Variants in MCTP1 observed in about 807,000 individuals in gnomAD.
MCTP1 encodes the protein multiple C2 and transmembrane domain-containing protein 1.
In MCTP1, 69 loss-of-function variants were observed where a neutral mutation model predicts 120.6. The ratio of observed to expected loss-of-function variants is 0.57; its 90% CI spans 0.47 to 0.70. MCTP1 has a LOEUF of 0.70. MCTP1 is among the 30% of genes least tolerant of loss of function. The pLI is 0.00. For missense variants in MCTP1, 1,203 were observed against 1,248.8 expected, an observed-to-expected ratio of 0.96 and a Z score of 0.55; for synonymous variants, 529 against 493.1, an observed-to-expected ratio of 1.07 and a Z score of -0.96.
At chr5:95,173,976 A>G (rs1222895815) in intron 1 of MCTP1, among the ~76,000 whole-genome samples, 1 of 152,178 alleles carries the variant, frequency 6.6e-6, no homozygotes, top group African/African-American at 2.4e-5. Flanking sequence ...CCAAGGAAAT[A>G]TTTCAGAAAA....
At chr5:95,017,299 C>T (rs1412952368) in intron 2 of MCTP1, 68 bp downstream of exon 2, 9 of 843,026 alleles carry the variant, frequency 1.1e-5, no homozygotes, top group Non-Finnish European at 1.5e-5. Flanking sequence ...CAGGCAATCA[C>T]GTGGAAAACA....
At chr5:95,222,939 T>A (rs1753842499) in intron 1 of MCTP1, among the ~76,000 whole-genome samples, 1 of 152,210 alleles carries the variant, frequency 6.6e-6, no homozygotes, top group Non-Finnish European at 1.5e-5. Context: ...GCCAGCAGGC[T>A]GGAAACCCAT....
chr5:95,034,063 G>A (rs1337649027), intron 1 of MCTP1, among the ~76,000 whole-genome samples: 1 of 152,030 alleles, frequency 6.6e-6, no homozygotes, highest in African/African-American at 2.4e-5. Context: ...ACTGTTGAAA[G>A]AAGTCACAGA....
In MCTP1 at chr5:94,860,612, A is replaced by G. The variant is rs190557734; in HGVS notation, c.2436+7721T>C. On this transcript the variant is annotated intron_variant, in intron 17 of 22. Coordinates refer to ENST00000515393, the MANE Select transcript of MCTP1 (RefSeq NM_024717.7). Reference sequence around the variant, plus strand: ...AATTCATATCATATGCGAACTACAGAAAATCCAAACTAAACTTTACCACCA... The same window carrying G: ...AATTCATATCATATGCGAACTACAGGAAATCCAAACTAAACTTTACCACCA... 1.1e-4 allele frequency among the ~76,000 whole-genome samples: 16 copies of G among 151,874 alleles called. No homozygotes were observed. In the East Asian group the frequency reaches 3.1e-3, roughly 30 times the overall value.
At chr5:94,800,280 T>A (rs906286187) in intron 17 of MCTP1, among the ~76,000 whole-genome samples, 5 of 152,188 alleles carry the variant, frequency 3.3e-5, no homozygotes, top group African/African-American at 1.2e-4. Flanking sequence ...TAATACAGAT[T>A]ATAATACTGG....
intron 1 of MCTP1, among the ~76,000 whole-genome samples, chr5:95,168,730 A>AT (rs565220063): frequency 1.8e-4 from 27 of 152,200 alleles, no homozygotes; most frequent in African/African-American, 6.5e-4. Context: ...AATGCTTGTG[A>AT]TTTTTGCACA....
At chr5:94,754,460 C>T (rs114464072) in intron 19 of MCTP1, among the ~76,000 whole-genome samples, 1 of 152,172 alleles carries the variant, frequency 6.6e-6, no homozygotes, top group African/African-American at 2.4e-5. Context: ...AGTCAGAATG[C>T]TAAGCAATAT....
At chr5:94,708,362 A>G in intron 22 of MCTP1, 150 bp downstream of exon 22, 1 of 527,976 alleles carries the variant, frequency 1.9e-6, no homozygotes, top group Non-Finnish European at 3.4e-6. Flanking sequence ...CAGGTGGGCT[A>G]AATTTCTGAC....
At chr5:95,079,956 T>G (rs1754502298) in intron 1 of MCTP1, among the ~76,000 whole-genome samples, 1 of 152,116 alleles carries the variant, frequency 6.6e-6, no homozygotes, top group African/African-American at 2.4e-5. Context: ...TTTTTTCTCT[T>G]CTCATAGCCT....
intron 19 of MCTP1, among the ~76,000 whole-genome samples, chr5:94,771,439 A>G (rs1330330446): frequency 6.6e-6 from 1 of 152,226 alleles, no homozygotes; most frequent in African/African-American, 2.4e-5. Context: ...CTTCAGCTGA[A>G]AAATGAAGAA....
At chr5:95,034,649 T>C (rs1840920669) in intron 1 of MCTP1, among the ~76,000 whole-genome samples, 1 of 151,906 alleles carries the variant, frequency 6.6e-6, no homozygotes, top group Admixed American at 6.6e-5. Flanking sequence ...AAAACTGTTC[T>C]GGATATTGAC....
chr5:94,983,832 A>C (rs1425679329), intron 2 of MCTP1, among the ~76,000 whole-genome samples: 1 of 152,246 alleles, frequency 6.6e-6, no homozygotes, highest in Non-Finnish European at 1.5e-5. Flanking sequence ...ATGGCTGATA[A>C]ATGTCAGCCG....
intron 2 of MCTP1, among the ~76,000 whole-genome samples, chr5:95,008,929 C>T (rs762487577): frequency 6.6e-5 from 10 of 151,888 alleles, no homozygotes; most frequent in Non-Finnish European, 1.3e-4. Flanking sequence ...ACTGGGAAGG[C>T]TTGGTGGGAG....
chr5:94,996,005 T>G (rs996796002), intron 2 of MCTP1, among the ~76,000 whole-genome samples: 4 of 152,202 alleles, frequency 2.6e-5, no homozygotes, highest in African/African-American at 2.4e-5. Context: ...AAATTATTCT[T>G]TTTGGTTCAC....
At chr5:95,188,101 C>G (rs1379594481) in intron 1 of MCTP1, among the ~76,000 whole-genome samples, 1 of 152,022 alleles carries the variant, frequency 6.6e-6, no homozygotes. Flanking sequence ...GGACAAAAGA[C>G]ATGGAAAAGA....
chr5:95,028,615 A>G (rs1368890394), intron 1 of MCTP1, among the ~76,000 whole-genome samples: 1 of 152,196 alleles, frequency 6.6e-6, no homozygotes, highest in Non-Finnish European at 1.5e-5. Flanking sequence ...GCCTACACAT[A>G]CAGTATATAA....
chr5:94,870,778 T>C (rs1222355132), intron 15 of MCTP1, 94 bp downstream of exon 15: 2 of 919,402 alleles, frequency 2.2e-6, no homozygotes, highest in East Asian at 2.4e-5. Context: ...TTAGAGAAAA[T>C]GAGGAATGAC....
At chr5:94,766,713 C>A (rs1399239320) in intron 19 of MCTP1, among the ~76,000 whole-genome samples, 1 of 150,160 alleles carries the variant, frequency 6.7e-6, no homozygotes, top group Non-Finnish European at 1.5e-5. Flanking sequence ...TTCCTGGACA[C>A]ATACAGCCTA....
At chr5:94,937,659 C>G (rs1293476583) in intron 5 of MCTP1, among the ~76,000 whole-genome samples, 1 of 151,990 alleles carries the variant, frequency 6.6e-6, no homozygotes, top group African/African-American at 2.4e-5. Context: ...ATGTTGGAAA[C>G]TATTTTGCCT....
Sources: allele counts gnomAD v4.1 joint callset (sites outside exome capture counted in the v4.1 genomes callset), GRCh38; gene constraint gnomAD v4.1.1; transcripts MANE v1.5; gene names NCBI Gene and HGNC (gene_info 2026-07-23, HGNC 2026-07-21).